The following PTPRG variants were observed in gnomAD, a reference collection of about 807,000 sequenced individuals.
PTPRG encodes the protein protein tyrosine phosphatase receptor type G, also known as receptor-type tyrosine-protein phosphatase gamma.
Under a neutral mutation model 165.3 loss-of-function variants are expected in PTPRG, and 102 were observed. The observed-to-expected ratio is 0.62, with a 90% CI of 0.53 to 0.73. PTPRG has a LOEUF of 0.73. Ranked by LOEUF, PTPRG falls within the 30% of genes least tolerant of loss-of-function variation. PTPRG has a pLI of 0.00. For synonymous variants in PTPRG, 675 were observed against 669.5 expected (o/e 1.01, Z -0.13); for missense variants, 1,866 against 1,861.4 (o/e 1.00, Z -0.05).
intron 8 of PTPRG, among the ~76,000 whole-genome samples, chr3:62,172,846 A>G (rs1047849645): frequency 8.5e-5 from 13 of 152,384 alleles, no homozygotes; most frequent in Admixed American, 7.8e-4. Flanking sequence ...GAAGCTTTCA[A>G]TGCCCAGGAA....
chr3:61,813,905 T>G (rs550808880), intron 2 of PTPRG, among the ~76,000 whole-genome samples: 2,870 of 147,212 alleles, frequency 0.019, 44 homozygotes, highest in East Asian at 0.06. Context: ...TTTTTTTTTT[T>G]GGGGGGGGTT....
At chr3:61,961,878 C>A (rs1220009083) in intron 2 of PTPRG, among the ~76,000 whole-genome samples, 2 of 152,120 alleles carry the variant, frequency 1.3e-5, no homozygotes, top group African/African-American at 2.4e-5. Flanking sequence ...TCAGGCCTTC[C>A]AGGTGATGCG....
At chr3:61,862,867 C>T (rs1329345657) in intron 2 of PTPRG, among the ~76,000 whole-genome samples, 2 of 152,124 alleles carry the variant, frequency 1.3e-5, no homozygotes, top group African/African-American at 2.4e-5. Flanking sequence ...AGTGGTTTAT[C>T]GGAAGGTTCC....
At chr3:61,838,688 C>CA (rs1317430920) in intron 2 of PTPRG, among the ~76,000 whole-genome samples, 1 of 152,172 alleles carries the variant, frequency 6.6e-6, no homozygotes, top group Non-Finnish European at 1.5e-5. Flanking sequence ...ATTTCAATAA[C>CA]ACTGTAATGT....
chr3:61,676,603 G>A (rs559833579), intron 1 of PTPRG, among the ~76,000 whole-genome samples: 37 of 151,824 alleles, frequency 2.4e-4, no homozygotes, highest in African/African-American at 8.4e-4. Context: ...TTTATTGCCC[G>A]ATGTCTTGGC....
At chr3:62,079,774 G>C (rs1336200761) in intron 5 of PTPRG, among the ~76,000 whole-genome samples, 1 of 152,174 alleles carries the variant, frequency 6.6e-6, no homozygotes, top group Non-Finnish European at 1.5e-5. Context: ...GCAGTGTAAT[G>C]GTAATGTAGT....
intron 2 of PTPRG, among the ~76,000 whole-genome samples, chr3:61,869,693 C>T (rs564828950): frequency 1.3e-5 from 2 of 152,262 alleles, no homozygotes; most frequent in South Asian, 4.1e-4. Context: ...ATCTTCCCCC[C>T]TCAGCCTCCC....
At chr3:61,893,074 G>A (rs970676766) in intron 2 of PTPRG, among the ~76,000 whole-genome samples, 12 of 152,294 alleles carry the variant, frequency 7.9e-5, no homozygotes, top group Non-Finnish European at 1.5e-4. Context: ...TGGGTGGCAC[G>A]TCATTATCGT....
intron 1 of PTPRG, among the ~76,000 whole-genome samples, chr3:61,578,253 G>A (rs1157056049): frequency 6.6e-6 from 1 of 152,198 alleles, no homozygotes; most frequent in African/African-American, 2.4e-5. Context: ...AAGGTAGAAG[G>A]GAACTTGGAG....
intron 5 of PTPRG, among the ~76,000 whole-genome samples, chr3:62,082,227 G>T (rs761309908): frequency 3.7e-4 from 57 of 152,094 alleles, no homozygotes; most frequent in Non-Finnish European, 6.5e-4. Flanking sequence ...CACTATCCAT[G>T]CTTCTTTTTT....
At chr3:61,884,352 A>T (rs1226552446) in intron 2 of PTPRG, among the ~76,000 whole-genome samples, 2 of 152,212 alleles carry the variant, frequency 1.3e-5, no homozygotes, top group East Asian at 1.9e-4. Context: ...TTATAAGGTT[A>T]TCTGAGCATA....
intron 1 of PTPRG, among the ~76,000 whole-genome samples, chr3:61,646,922 C>T (rs1274043346): frequency 5.9e-5 from 9 of 152,172 alleles, no homozygotes. Flanking sequence ...TGTAGCTCCC[C>T]AGACCCATCC....
At chr3:62,010,369 C>CT (rs1328891863) in intron 4 of PTPRG, among the ~76,000 whole-genome samples, 24 of 68,942 alleles carry the variant, frequency 3.5e-4, no homozygotes, top group African/African-American at 1.6e-3. Context: ...TCCCTCTCTT[C>CT]TTGTGTGTGT....
intron 2 of PTPRG, among the ~76,000 whole-genome samples, chr3:61,969,151 C>G (rs1323613556): frequency 6.6e-6 from 1 of 152,164 alleles, no homozygotes; most frequent in Admixed American, 6.5e-5. Context: ...TACAGGCCAA[C>G]TGCCTGGCTC....
At chr3:61,768,537 G>A (rs1006975112) in intron 2 of PTPRG, among the ~76,000 whole-genome samples, 2 of 152,308 alleles carry the variant, frequency 1.3e-5, no homozygotes, top group African/African-American at 2.4e-5. Flanking sequence ...CTCAAAATCT[G>A]TGTCTGGAAC....
intron 1 of PTPRG, among the ~76,000 whole-genome samples, chr3:61,708,197 C>T (rs1405838327): frequency 6.6e-6 from 1 of 151,950 alleles, no homozygotes; most frequent in Non-Finnish European, 1.5e-5. Context: ...ACATCTCAGC[C>T]AACTGGTGAT....
At chr3:61,875,463 C>A (rs1055722174) in intron 2 of PTPRG, among the ~76,000 whole-genome samples, 1 of 152,124 alleles carries the variant, frequency 6.6e-6, no homozygotes, top group African/African-American at 2.4e-5. Flanking sequence ...CAGTTAAGTG[C>A]CATCCTTATA....
At chr3:61,793,158 G>T (rs750047044) in intron 2 of PTPRG, among the ~76,000 whole-genome samples, 1 of 152,160 alleles carries the variant, frequency 6.6e-6, no homozygotes, top group Admixed American at 6.6e-5. Flanking sequence ...CCAGCCTGTC[G>T]CTTCCTGTCT....
chr3:61,616,498 T>G (rs1701301031), intron 1 of PTPRG, among the ~76,000 whole-genome samples: 1 of 152,170 alleles, frequency 6.6e-6, no homozygotes, highest in Non-Finnish European at 1.5e-5. Context: ...TTGAATATGT[T>G]TATTTACTCA....
Sources: gnomAD v4.1 joint callset for allele counts (sites outside exome capture counted in the v4.1 genomes callset) on GRCh38, gnomAD v4.1.1 for gene constraint, MANE v1.5 for transcripts, NCBI Gene and HGNC (gene_info 2026-07-23, HGNC 2026-07-21) for gene names.